NEGR1: variants seen among roughly 807,000 people sequenced by gnomAD.
NEGR1 encodes the protein neuronal growth regulator 1, also known as IgLON family member 4.
A neutral mutation model predicts 40.9 loss-of-function variants in NEGR1; 10 were observed. The ratio of observed to expected loss-of-function variants is 0.24; its 90% CI spans 0.15 to 0.42. The LOEUF (loss-of-function observed/expected upper bound fraction) is 0.42. Among genes scored for constraint, NEGR1 ranks in the 10% least tolerant of loss-of-function variants. The probability of loss-of-function intolerance (pLI) is 1.00; values close to 1 mark genes in which losing one functional copy is unlikely to be tolerated. For missense variants in NEGR1, 352 were observed against 438.9 expected (o/e 0.80, Z 1.77); for synonymous variants, 185 against 166.8 (o/e 1.11, Z -0.84).
intron 1 of NEGR1, among the ~76,000 whole-genome samples, chr1:72,023,924 A>T (rs994785128): frequency 1.3e-5 from 2 of 152,164 alleles, no homozygotes; most frequent in African/African-American, 4.8e-5. Context: ...ACAGTTATAG[A>T]CAGAGGCATA....
chr1:71,820,645 C>T (rs774689630), intron 2 of NEGR1, among the ~76,000 whole-genome samples: 14 of 151,872 alleles, frequency 9.2e-5, no homozygotes, highest in African/African-American at 3.1e-4. Context: ...TCTCTCTTGT[C>T]CTCAAATGTA....
chr1:71,586,113 C>G (rs946459515), intron 6 of NEGR1, among the ~76,000 whole-genome samples: 1 of 152,230 alleles, frequency 6.6e-6, no homozygotes, highest in African/African-American at 2.4e-5. Context: ...ATAGTTTTAA[C>G]TTGGATCTGC....
At chr1:71,696,603 C>T (rs1236645044) in intron 4 of NEGR1, among the ~76,000 whole-genome samples, 2 of 151,796 alleles carry the variant, frequency 1.3e-5, no homozygotes, top group East Asian at 3.9e-4. Flanking sequence ...TCAGTATACA[C>T]ATATTCAGAA....
chr1:71,614,474 C>T (rs369960751), intron 4 of NEGR1, among the ~76,000 whole-genome samples: 46 of 152,228 alleles, frequency 3.0e-4, no homozygotes, highest in African/African-American at 1.1e-3. Flanking sequence ...AATAAAACTT[C>T]ATGTACTTGT....
At chr1:71,716,794 T>C (rs1432906905) in intron 3 of NEGR1, among the ~76,000 whole-genome samples, 2 of 152,180 alleles carry the variant, frequency 1.3e-5, no homozygotes, top group Non-Finnish European at 2.9e-5. Flanking sequence ...TTCTACATTC[T>C]ATCCCATTTA....
chr1:71,875,467 G>C (rs1660398840), intron 2 of NEGR1, among the ~76,000 whole-genome samples: 1 of 152,162 alleles, frequency 6.6e-6, no homozygotes, highest in Admixed American at 6.6e-5. Context: ...GTTGTCAGTA[G>C]CAGTGGCATT....
intron 1 of NEGR1, among the ~76,000 whole-genome samples, chr1:71,946,909 C>G (rs1179727488): frequency 6.6e-6 from 1 of 151,614 alleles, no homozygotes; most frequent in Non-Finnish European, 1.5e-5. Flanking sequence ...AAAACCCCAT[C>G]TCTACAACAA....
At chr1:71,498,534 A>C (rs994456887) in intron 6 of NEGR1, among the ~76,000 whole-genome samples, 2 of 152,114 alleles carry the variant, frequency 1.3e-5, no homozygotes, top group Non-Finnish European at 2.9e-5. Flanking sequence ...TCGGGTGTGC[A>C]GCTCCATCCT....
rs1650648830 is a variant in NEGR1, at chr1:72,140,841, C to T, written c.176+141478G>A. 4.0e-5 allele frequency among the ~76,000 whole-genome samples: 6 copies of T among 151,784 alleles called. No individual in the cohort carries two copies. The South Asian group carries it at 6.2e-4, about 16-fold the overall frequency. On this transcript the variant is annotated intron_variant, in intron 1 of 6. Transcript: ENST00000357731. ...TTTAATTAAGGAAGAACTTTTTCAC[C>T]TATTTACTCATTCACTCATTCAGGA... is the stretch of plus-strand genomic sequence containing the variant.
rs561376672 is a variant in NEGR1 at position 71,643,960 on chromosome 1, A to C, written c.668-32814T>G. Among the ~76,000 whole-genome samples, 35 of 152,102 alleles carry C rather than the reference A, an allele frequency of 2.3e-4. No homozygotes were observed. In the South Asian group the frequency reaches 6.8e-3, roughly 30 times the overall value. On this transcript the variant is annotated intron_variant, in intron 4 of 6. Coordinates refer to ENST00000357731, the MANE Select transcript of NEGR1 (RefSeq NM_173808.3). ...GTATGATATTAACTTCCTGTGGAAA[A>C]AATTTTACACTGCCACAGAGAAAGA...
At chr1:71,651,392 G>T (rs1651712609) in intron 4 of NEGR1, among the ~76,000 whole-genome samples, 1 of 152,078 alleles carries the variant, frequency 6.6e-6, no homozygotes, top group Admixed American at 6.5e-5. Flanking sequence ...CACAAAGTAT[G>T]TATGATGATA....
At chr1:71,918,957 C>T (rs1316543974) in intron 2 of NEGR1, among the ~76,000 whole-genome samples, 1 of 152,112 alleles carries the variant, frequency 6.6e-6, no homozygotes, top group Non-Finnish European at 1.5e-5. Flanking sequence ...AGAATTTTTC[C>T]AGATGGAGTG....
intron 1 of NEGR1, among the ~76,000 whole-genome samples, chr1:72,262,294 G>A (rs1655483705): frequency 6.6e-6 from 1 of 152,050 alleles, no homozygotes; most frequent in South Asian, 2.1e-4. Context: ...GGGAGATGAA[G>A]CTGTGCCCTG....
At chr1:71,785,463 A>T (rs1031039606) in intron 2 of NEGR1, among the ~76,000 whole-genome samples, 1 of 152,138 alleles carries the variant, frequency 6.6e-6, no homozygotes. Flanking sequence ...TCCTGGAAAC[A>T]ATTTGGCAGT....
intron 2 of NEGR1, among the ~76,000 whole-genome samples, chr1:71,837,488 A>C (rs1240458423): frequency 2.0e-5 from 3 of 151,984 alleles, no homozygotes; most frequent in African/African-American, 7.2e-5. Context: ...GTTAAAATAC[A>C]TTTTGTTGAT....
chr1:71,600,911 C>G (rs1284780009), intron 5 of NEGR1, among the ~76,000 whole-genome samples: 1 of 152,170 alleles, frequency 6.6e-6, no homozygotes. Context: ...CCCCTTGATT[C>G]TAGTATGTTC....
chr1:71,496,915 T>A (rs1416449580), intron 6 of NEGR1, among the ~76,000 whole-genome samples: 1 of 152,198 alleles, frequency 6.6e-6, no homozygotes, highest in Non-Finnish European at 1.5e-5. Flanking sequence ...ACTTGCAACT[T>A]TCCTAACATC....
chr1:72,134,201 C>A (rs980083839), intron 1 of NEGR1, among the ~76,000 whole-genome samples: 1 of 149,540 alleles, frequency 6.7e-6, no homozygotes, highest in Non-Finnish European at 1.5e-5. Flanking sequence ...GGGGGAAATA[C>A]GTTTTTTTTT....
At chr1:71,507,756 A>G (rs797009688) in intron 6 of NEGR1, among the ~76,000 whole-genome samples, 3 of 152,330 alleles carry the variant, frequency 2.0e-5, no homozygotes, top group African/African-American at 7.2e-5. Flanking sequence ...ACTTTACCTC[A>G]AGGGTGTTAA....
Sources: gnomAD v4.1 joint callset for allele counts (sites outside exome capture counted in the v4.1 genomes callset) on GRCh38, gnomAD v4.1.1 for gene constraint, MANE v1.5 for transcripts, NCBI Gene and HGNC (gene_info 2026-07-23, HGNC 2026-07-21) for gene names.